Variants in SRPRB observed in about 807,000 individuals in gnomAD.
SRPRB encodes signal recognition particle receptor subunit beta.
A neutral mutation model predicts 31.9 loss-of-function variants in SRPRB; 20 were observed. That is an observed-to-expected ratio of 0.63 (90% CI 0.44 to 0.91). The LOEUF (loss-of-function observed/expected upper bound fraction) is 0.91, where lower values mean the gene tolerates loss of function less well. SRPRB is among the 40% of genes least tolerant of loss of function. SRPRB has a pLI of 0.00. For synonymous variants in SRPRB, 146 were observed against 132.8 expected (o/e 1.10, Z -0.68); for missense variants, 321 against 324.9 (o/e 0.99, Z 0.09).
Position 133,805,823 on chromosome 3 carries a change from T to A in SRPRB, c.-26T>A. On this transcript the variant is annotated 5_prime_UTR_variant, in exon 1 of 7. Transcript: ENST00000678299. Reference sequence around the variant, plus strand: ...GAGTGCAGGGCCACGTCGCTTTTGCTGTACCGGGGACCACGCGTCTCATCC... The same window carrying A: ...GAGTGCAGGGCCACGTCGCTTTTGCAGTACCGGGGACCACGCGTCTCATCC... 1.0e-5 allele frequency: 16 copies of A among 1,589,602 alleles called. No individual in the cohort carries two copies. Among genetic ancestry groups the A allele is most frequent in the Non-Finnish European group, 1.4e-5 (16 of 1,169,008 alleles).
At chr3:133,826,697 G>A (rs1420903980), downstream of SRPRB, 1 of 152,614 alleles carries the variant, frequency 6.6e-6, no homozygotes, top group Non-Finnish European at 1.5e-5. Flanking sequence ...ATTCCCGTGG[G>A]CTATGTTTGC....
chr3:133,811,227 T>TG, intron 4 of SRPRB, 28 bp downstream of exon 4: 2 of 1,606,238 alleles, frequency 1.2e-6, no homozygotes, highest in South Asian at 1.1e-5. Flanking sequence ...GAAGTGGGCT[T>TG]GTCTAGGTCT....
At chr3:133,812,784 C>G (rs1935299295) in intron 4 of SRPRB, among the ~76,000 whole-genome samples, 1 of 152,182 alleles carries the variant, frequency 6.6e-6, no homozygotes. Context: ...ATCTTCCTCA[C>G]ATCTTCCTTT....
chr3:133,799,825 A>G (rs1455731835), intron 1 of SRPRB, among the ~76,000 whole-genome samples: 16 of 152,348 alleles, frequency 1.1e-4, no homozygotes, highest in African/African-American at 3.6e-4. Context: ...TGAAGGAAAA[A>G]GTGCCATTGG....
At chr3:133,824,227 C>T (rs1935519611), downstream of SRPRB, 2 of 152,238 alleles carry the variant, frequency 1.3e-5, no homozygotes, top group Admixed American at 6.5e-5. Context: ...TAAACACAGA[C>T]AAGAAGCTTT....
exon 1 of SRPRB, chr3:133,784,099 A>C (rs1311996441): frequency 6.6e-6 from 1 of 152,322 alleles, no homozygotes; most frequent in Non-Finnish European, 1.5e-5. Flanking sequence ...GACGACACCC[A>C]CCTAGTCCCG....
intron 4 of SRPRB, 143 bp from the exon 5 acceptor site, chr3:133,815,444 TATG>T (rs1935349218): frequency 3.4e-6 from 3 of 875,836 alleles, no homozygotes; most frequent in Admixed American, 2.2e-5. Flanking sequence ...ATTTATGTTA[TATG>T]ATAACATATG....
At chr3:133,817,818 C>G (rs990503289) in intron 6 of SRPRB, among the ~76,000 whole-genome samples, 1 of 152,116 alleles carries the variant, frequency 6.6e-6, no homozygotes, top group Non-Finnish European at 1.5e-5. Flanking sequence ...TTGGGAGCAG[C>G]TGTAGGAGGA....
intron 1 of SRPRB, chr3:133,788,649 C>T (rs1447829236): frequency 1.3e-5 from 2 of 152,102 alleles, no homozygotes; most frequent in African/African-American, 4.8e-5. Flanking sequence ...CCCTCTGTCT[C>T]TTTTTCCTTT....
chr3:133,817,144 AAG>A (rs1935382255), intron 6 of SRPRB, among the ~76,000 whole-genome samples: 1 of 152,248 alleles, frequency 6.6e-6, no homozygotes, highest in African/African-American at 2.4e-5. Flanking sequence ...TCATGGAAAG[AAG>A]ATTTTTTTGA....
chr3:133,823,255 T>C (rs558284855), downstream of SRPRB, among the ~76,000 whole-genome samples: 2 of 152,322 alleles, frequency 1.3e-5, no homozygotes, highest in South Asian at 4.1e-4. Flanking sequence ...ATATATTGTT[T>C]CAAGGGTTTT....
At chr3:133,802,397 C>A (rs1409366602), upstream of SRPRB, among the ~76,000 whole-genome samples, 2 of 151,958 alleles carry the variant, frequency 1.3e-5, no homozygotes, top group East Asian at 1.9e-4. Flanking sequence ...CAGAGTGAGA[C>A]CCTGCCTGAA....
intron 6 of SRPRB, among the ~76,000 whole-genome samples, chr3:133,818,266 C>T (rs1190625144): frequency 6.6e-6 from 1 of 152,198 alleles, no homozygotes; most frequent in Non-Finnish European, 1.5e-5. Flanking sequence ...TTTAACAGTA[C>T]AGTCCAAGTC....
chr3:133,804,095 C>CAAAAAAAAAAAAAAAA (rs1205426598), upstream of SRPRB, among the ~76,000 whole-genome samples: 1 of 58,290 alleles, frequency 1.7e-5, no homozygotes, highest in African/African-American at 6.1e-5. Context: ...GACTCTGTCT[C>CAAAAAAAAAAAAAAAA]AAAAAAAAAA....
In SRPRB at chr3:133,818,785, AGTGTGT is replaced by A. The variant is rs146467727; in HGVS notation, c.603-735_603-730del. 2.1e-3 allele frequency among the ~76,000 whole-genome samples: 306 copies of A among 144,192 alleles called. 3 individuals are homozygous for A. Among genetic ancestry groups the A allele is most frequent in the African/African-American group, 6.7e-3 (261 of 38,926 alleles). The allele number at this position is 144,192 out of a possible 152,430, so 94.6% of individuals were successfully genotyped here. Reference sequence around the variant, plus strand: ...TATTGTTTTTTAAAAATACTTTTACAGTGTGTGTGTGTGTGTGTGTGTGTGTGTGTG... The same window carrying A: ...TATTGTTTTTTAAAAATACTTTTACAGTGTGTGTGTGTGTGTGTGTGTGTG... On this transcript the variant is annotated intron_variant, in intron 6 of 6. Coordinates refer to ENST00000678299, the MANE Select transcript of SRPRB (RefSeq NM_001379313.1).
At chr3:133,800,715 C>T (rs1253216769) in intron 1 of SRPRB, among the ~76,000 whole-genome samples, 3 of 152,232 alleles carry the variant, frequency 2.0e-5, no homozygotes, top group Non-Finnish European at 2.9e-5. Flanking sequence ...TCCTCAAACC[C>T]GCTAAGGCAG....
At chr3:133,825,948 ACAT>A (rs1935555368), downstream of SRPRB, 1 of 152,254 alleles carries the variant, frequency 6.6e-6, no homozygotes, top group African/African-American at 2.4e-5. Flanking sequence ...CAATGCCATG[ACAT>A]CTTCTTCAAG....
chr3:133,818,688 C>T (rs1935408749), intron 6 of SRPRB, among the ~76,000 whole-genome samples: 3 of 152,256 alleles, frequency 2.0e-5, no homozygotes, highest in East Asian at 3.9e-4. Context: ...TATGTACTCA[C>T]CACCATGCCT....
intron 3 of SRPRB, among the ~76,000 whole-genome samples, chr3:133,809,860 ATTTCTT>A (rs1935226746): frequency 6.6e-6 from 1 of 152,102 alleles, no homozygotes; most frequent in South Asian, 2.1e-4. Flanking sequence ...AATTTTACCA[ATTTCTT>A]TTTACTTTTT....
Sources: gnomAD v4.1 joint callset for allele counts (sites outside exome capture counted in the v4.1 genomes callset) on GRCh38, gnomAD v4.1.1 for gene constraint, MANE v1.5 for transcripts, NCBI Gene and HGNC (gene_info 2026-07-23, HGNC 2026-07-21) for gene names.